Variants in LINC00632 observed in about 807,000 individuals in gnomAD.
The protein encoded by LINC00632 is long independently transcribed non-coding RNA 632, also known as ALDOA related specific transcript.
At chrX:140,710,217 G>T (rs1201576845) in intron 1 of LINC00632, among the ~76,000 whole-genome samples, 3 of 112,133 alleles carry the variant, frequency 2.7e-5, no homozygotes, top group Non-Finnish European at 5.6e-5. Flanking sequence ...GAGAGCATAA[G>T]AAAAATATTA....
At chrX:140,742,871 G>A (rs1051022635) in intron 3 of LINC00632, among the ~76,000 whole-genome samples, 92 of 95,590 alleles carry the variant, frequency 9.6e-4, no homozygotes, top group African/African-American at 3.5e-3. Context: ...GAGAGAGAGA[G>A]AGAGAGAGGA....
At chrX:140,772,477 G>A (rs1405578224) in exon 4 of LINC00632, 1 of 290,941 alleles carries the variant, frequency 3.4e-6, no homozygotes, top group African/African-American at 2.8e-5. Context: ...GTGAGTTAGG[G>A]GTGAGAATGG....
chrX:140,770,752 GTGAC>G (rs1330540345), intron 3 of LINC00632, among the ~76,000 whole-genome samples: 1 of 111,791 alleles, frequency 8.9e-6, no homozygotes, highest in African/African-American at 3.3e-5. Context: ...AAAACTATGA[GTGAC>G]TATTTATTTA....
chrX:140,753,751 CTTTTCTTTCTTTCTTTCTTTTTTTTT>C (rs1931446281), intron 3 of LINC00632, among the ~76,000 whole-genome samples: 3 of 79,025 alleles, frequency 3.8e-5, no homozygotes, highest in African/African-American at 1.5e-4. Context: ...TATTTCTTTT[CTTTTCTTTCTTTCTTTCTTTTTTTTT>C]TTTTTTTTTT....
chrX:140,783,524 T>G (rs1224343969), exon 5 of LINC00632: 2 of 1,111,142 alleles, frequency 1.8e-6, no homozygotes, highest in Non-Finnish European at 1.2e-6. Context: ...CAGAAAAATC[T>G]GTGTCTTCCA....
intron 3 of LINC00632, among the ~76,000 whole-genome samples, chrX:140,759,349 CTT>C: frequency 2.1e-5 from 1 of 47,861 alleles, no homozygotes; most frequent in East Asian, 4.2e-4. Context: ...TCCTTCCTTT[CTT>C]TCTTTCTTTC....
chrX:140,791,289 T>C (rs923903636), exon 5 of LINC00632, among the ~76,000 whole-genome samples: 17 of 112,315 alleles, frequency 1.5e-4, no homozygotes, highest in Non-Finnish European at 3.0e-4. Context: ...TCTAATCCAT[T>C]AATGTAGTTA....
chrX:140,774,071 T>G, exon 4 of LINC00632, among the ~76,000 whole-genome samples: 1 of 112,294 alleles, frequency 8.9e-6, no homozygotes, highest in Non-Finnish European at 1.9e-5. Context: ...ACCATTTGAA[T>G]AGTGAAGGCC....
intron 3 of LINC00632, among the ~76,000 whole-genome samples, chrX:140,768,713 T>C (rs1290147637): frequency 2.0e-5 from 2 of 98,531 alleles, no homozygotes; most frequent in African/African-American, 3.7e-5. Flanking sequence ...ATAATAAATA[T>C]ATATTTAATT....
At chrX:140,770,851 T>C (rs896354365) in intron 3 of LINC00632, among the ~76,000 whole-genome samples, 13 of 112,143 alleles carry the variant, frequency 1.2e-4, no homozygotes, top group East Asian at 5.6e-4. Flanking sequence ...GTAGTATGGA[T>C]TGGTAGACGA....
At position 140,751,676 on chromosome X, in the gene LINC00632, A is replaced by G. The variant is rs73592065; in HGVS notation, n.191+17712A>G. 4.2e-3 allele frequency among the ~76,000 whole-genome samples: 472 copies of G among 111,805 alleles called. 3 individuals are homozygous for G. Among genetic ancestry groups the G allele is most frequent in the African/African-American group, 0.015 (451 of 30,814 alleles). On this transcript the variant is annotated intron_variant and non_coding_transcript_variant, in intron 3 of 4. Transcript: ENST00000648200. The stretch of plus-strand genomic sequence containing the variant: ...TTAAATGAAAACCTTATTGTAGTCC[A>G]CTACTACTTTATTAATGTGGCAGGC...
At chrX:140,723,418 CCATACACACACATTCCATA>C (rs1234960930) in intron 2 of LINC00632, among the ~76,000 whole-genome samples, 7 of 3,728 alleles carry the variant, frequency 1.9e-3, no homozygotes, top group Non-Finnish European at 3.7e-3. Context: ...CACACACATT[CCATACACACACATTCCATA>C]CATACACACA....
At chrX:140,721,283 C>T (rs778032820) in intron 2 of LINC00632, among the ~76,000 whole-genome samples, 1 of 111,582 alleles carries the variant, frequency 9.0e-6, no homozygotes, top group Non-Finnish European at 1.9e-5. Context: ...CTCCAGAATG[C>T]ACCACAACAA....
exon 5 of LINC00632, among the ~76,000 whole-genome samples, chrX:140,776,574 G>A (rs1468372621): frequency 1.1e-4 from 12 of 112,747 alleles, no homozygotes; most frequent in Admixed American, 1.0e-3. Flanking sequence ...GGTGTCGCGC[G>A]CTGGCCTGTC....
chrX:140,741,605 G>C (rs750225704), intron 3 of LINC00632, among the ~76,000 whole-genome samples: 13 of 112,058 alleles, frequency 1.2e-4, no homozygotes, highest in African/African-American at 4.2e-4. Context: ...ACTAACAGAA[G>C]TTTTCCTGTT....
intron 3 of LINC00632, among the ~76,000 whole-genome samples, chrX:140,742,895 G>GGAAA (rs1931257611): frequency 1.0e-5 from 1 of 99,096 alleles, no homozygotes; most frequent in African/African-American, 3.8e-5. Context: ...AAGGAAGGAA[G>GGAAA]GAAAGGAAAG....
At chrX:140,740,468 A>G (rs1472163392) in intron 3 of LINC00632, among the ~76,000 whole-genome samples, 2 of 111,304 alleles carry the variant, frequency 1.8e-5, no homozygotes, top group Non-Finnish European at 3.8e-5. Flanking sequence ...AGATTTGTCA[A>G]CCAGGAATTA....
chrX:140,747,385 G>C (rs951296728), intron 3 of LINC00632, among the ~76,000 whole-genome samples: 1 of 110,060 alleles, frequency 9.1e-6, no homozygotes, highest in Non-Finnish European at 1.9e-5. Context: ...AAAATTAGCC[G>C]GGCATGGTGG....
At chrX:140,760,568 C>T (rs1569354424) in intron 3 of LINC00632, among the ~76,000 whole-genome samples, 1 of 111,298 alleles carries the variant, frequency 9.0e-6, no homozygotes, top group Non-Finnish European at 1.9e-5. Context: ...GACAGGAGTT[C>T]AAGACTAGCC....
Sources: allele counts gnomAD v4.1 joint callset (sites outside exome capture counted in the v4.1 genomes callset), GRCh38; gene constraint gnomAD v4.1.1; transcripts MANE v1.5; gene names NCBI Gene and HGNC (gene_info 2026-07-23, HGNC 2026-07-21).